The following RAD50 variants were observed in gnomAD, a reference collection of about 807,000 sequenced individuals.
The protein encoded by RAD50 is RAD50 double strand break repair protein.
RAD50 carries 132 observed loss-of-function variants against 168.8 expected under a neutral mutation model. The ratio of observed to expected loss-of-function variants is 0.78; its 90% confidence interval spans 0.68 to 0.90. The LOEUF is 0.90. RAD50 is among the 40% of genes least tolerant of loss of function. The pLI, the probability that RAD50 is intolerant of heterozygous loss-of-function variation, is 0.00. For missense variants in RAD50, 1,347 were observed against 1,534.4 expected, an observed-to-expected ratio of 0.88 and a Z score of 2.04; for synonymous variants, 525 against 497.4, an observed-to-expected ratio of 1.06 and a Z score of -0.74.
chr5:132,579,700 TA>T, intron 4 of RAD50, 161 bp from the exon 5 acceptor site: 1 of 839,418 alleles, frequency 1.2e-6, no homozygotes, highest in East Asian at 2.7e-5. Context: ...ATTGACAGTA[TA>T]AATGTAATTT....
intron 13 of RAD50, among the ~76,000 whole-genome samples, chr5:132,601,226 G>C (rs1293165028): frequency 6.6e-6 from 1 of 152,096 alleles, no homozygotes; most frequent in Admixed American, 6.6e-5. Flanking sequence ...TTGAACTCCT[G>C]ACCTCAGGTG....
In RAD50 at chr5:132,642,948, T is replaced by A. The variant is rs988808647; in HGVS notation, c.*584T>A. On this transcript the variant is annotated 3_prime_UTR_variant, in exon 25 of 25. Coordinates refer to ENST00000378823, the MANE Select transcript of RAD50 (RefSeq NM_005732.4). ...GGGGTCTCAAAGTTTGACAGGAACCTTAAGTAATCATCTAAGTCAGTACCC... is the reference window on the plus strand; with the variant it reads ...GGGGTCTCAAAGTTTGACAGGAACCATAAGTAATCATCTAAGTCAGTACCC... The A allele has an allele frequency of 2.0e-6, 1 of 488,368 alleles. No individual in the cohort carries two copies. Among genetic ancestry groups the A allele is most frequent in the Admixed American group, 2.4e-5 (1 of 40,836 alleles). 30.3% of individuals were successfully genotyped at this position (488,368 alleles called of 1,614,324 possible).
At chr5:132,636,421 G>A (rs1476651704) in intron 21 of RAD50, among the ~76,000 whole-genome samples, 6 of 152,140 alleles carry the variant, frequency 3.9e-5, no homozygotes, top group African/African-American at 1.4e-4. Flanking sequence ...TATAAATATG[G>A]AAGTTAATAT....
chr5:132,621,979 G>A (rs543287428), intron 21 of RAD50, among the ~76,000 whole-genome samples: 3 of 151,644 alleles, frequency 2.0e-5, no homozygotes, highest in East Asian at 3.9e-4. Context: ...CTTTTTATTA[G>A]ACATAACCTC....
intron 13 of RAD50, among the ~76,000 whole-genome samples, chr5:132,597,130 T>C (rs1212384843): frequency 6.6e-6 from 1 of 152,144 alleles, no homozygotes; most frequent in African/African-American, 2.4e-5. Flanking sequence ...ATTAATATAT[T>C]GACTGAAACA....
chr5:132,641,506 C>A (rs1751720242), intron 24 of RAD50, among the ~76,000 whole-genome samples: 1 of 152,176 alleles, frequency 6.6e-6, no homozygotes, highest in South Asian at 2.1e-4. Context: ...CAGCCATCAT[C>A]ACAAGTAAGG....
At chr5:132,583,912 G>A (rs1332395636) in intron 5 of RAD50, among the ~76,000 whole-genome samples, 1 of 151,898 alleles carries the variant, frequency 6.6e-6, no homozygotes. Flanking sequence ...GGTCAGGCTG[G>A]TCTCGAACTC....
chr5:132,587,346 A>C (rs772751925), intron 5 of RAD50, among the ~76,000 whole-genome samples: 3 of 152,172 alleles, frequency 2.0e-5, no homozygotes, highest in Non-Finnish European at 4.4e-5. Context: ...AGTGGAATTT[A>C]ATTCCTGCTT....
intron 2 of RAD50, among the ~76,000 whole-genome samples, chr5:132,566,431 G>T (rs899965685): frequency 2.0e-5 from 3 of 152,188 alleles, no homozygotes; most frequent in African/African-American, 7.2e-5. Flanking sequence ...TGAAATGACA[G>T]AGTCAAGTCT....
At chr5:132,559,203 A>G (rs1280188657) in intron 1 of RAD50, 81 bp from the exon 2 acceptor site, 1 of 1,298,718 alleles carries the variant, frequency 7.7e-7, no homozygotes, top group African/African-American at 1.5e-5. Flanking sequence ...GATAAATAAT[A>G]TTTTTGTAAT....
Position 132,646,092 on chromosome 5 carries a change from C to CAAAAAAAAATAAAA in RAD50, c.*3737_*3738insTAAAAAAAAAAAAA, listed in dbSNP as rs1751843299. ...CAGAGTGAGACCCTGTCTAAAAAGA[C>CAAAAAAAAATAAAA]AAAAAAAAAAAAAAAAAAAAAGCAG... On this transcript the variant is annotated 3_prime_UTR_variant, in exon 25 of 25. Coordinates refer to ENST00000378823, the MANE Select transcript of RAD50 (RefSeq NM_005732.4). 1.3e-5 allele frequency: 1 copy of CAAAAAAAAATAAAA among 77,170 alleles called. No individual in the cohort carries two copies. The highest frequency in any genetic ancestry group is 4.5e-5 in the African/African-American group (1 of 22,120). 4.8% of individuals were successfully genotyped at this position (77,170 alleles called of 1,614,324 possible).
rs1360388114 is a variant in RAD50 at position 132,640,144 on chromosome 5, T to C, written c.3619-528T>C. On this transcript the variant is annotated intron_variant, in intron 23 of 24. Transcript: ENST00000378823. ...AAGCTTAACTGAAACCACATTTCTA[T>C]ACTCCTGATACTTTGACCTAGGATT... Among the ~76,000 whole-genome samples, 4 of 152,326 alleles carry C rather than the reference T, an allele frequency of 2.6e-5. No homozygotes were observed. The East Asian group carries it at 7.7e-4, about 29-fold the overall frequency.
intron 10 of RAD50, 54 bp from the exon 11 acceptor site, chr5:132,591,823 A>G: frequency 7.6e-7 from 1 of 1,310,514 alleles, no homozygotes; most frequent in Non-Finnish European, 1.1e-6. Context: ...TTTGTTCTTG[A>G]TATAATGTGG....
intron 21 of RAD50, among the ~76,000 whole-genome samples, chr5:132,619,836 C>CTCTCTCTATA (rs1257882764): frequency 1.7e-5 from 2 of 114,410 alleles, no homozygotes; most frequent in African/African-American, 7.9e-5. Flanking sequence ...CTCTCTCTCT[C>CTCTCTCTATA]TATATATATA....
Position 132,642,403 on chromosome 5 carries a change from T to G in RAD50, c.*39T>G, listed in dbSNP as rs1291539995. 1 of 1,543,092 alleles carries G rather than the reference T, an allele frequency of 6.5e-7. No individual in the cohort carries two copies. The highest frequency in any genetic ancestry group is 8.9e-7 in the Non-Finnish European group (1 of 1,118,434). On this transcript the variant is annotated 3_prime_UTR_variant, in exon 25 of 25. Coordinates refer to ENST00000378823, the MANE Select transcript of RAD50 (RefSeq NM_005732.4). ...TTAAATGCCATAGAAATGTAGGTCCTCAGAAAGTGTATAATAAGAAACTTA... is the reference window on the plus strand; with the variant it reads ...TTAAATGCCATAGAAATGTAGGTCCGCAGAAAGTGTATAATAAGAAACTTA...
In RAD50 at chr5:132,557,235, G is replaced by C. The variant is rs1363644509; in HGVS notation, c.-90G>C. ...GGATCCTCCTGACCCTGAGATTCGC[G>C]GGTCTCACGTCCCGTGCACGCCTTG... is the stretch of plus-strand genomic sequence containing the variant. On this transcript the variant is annotated 5_prime_UTR_variant, in exon 1 of 25. Coordinates refer to ENST00000378823, the MANE Select transcript of RAD50 (RefSeq NM_005732.4). 2 of 1,532,898 alleles carry C rather than the reference G, an allele frequency of 1.3e-6. No individual in the cohort carries two copies. The highest frequency in any genetic ancestry group is 2.7e-5 in the African/African-American group (2 of 73,272). The allele number at this position is 1,532,898 out of a possible 1,614,324, so 95.0% of individuals were successfully genotyped here.
intron 21 of RAD50, among the ~76,000 whole-genome samples, chr5:132,635,503 G>A (rs917671599): frequency 5.9e-5 from 9 of 152,186 alleles, no homozygotes; most frequent in Non-Finnish European, 1.0e-4. Context: ...TTGGTGGGTT[G>A]AGACCTCTCC....
chr5:132,621,053 T>A (rs924597647), intron 21 of RAD50, among the ~76,000 whole-genome samples: 1 of 152,164 alleles, frequency 6.6e-6, no homozygotes, highest in Admixed American at 6.5e-5. Context: ...AAACCTGTGT[T>A]CAAGGATCGG....
Position 132,614,418 on chromosome 5 carries a change from AC to A in RAD50, c.3037-1583del, listed in dbSNP as rs1372501444. The stretch of plus-strand genomic sequence containing the variant: ...CATTTATAACCATGTCATTTTAGTC[AC>A]CTTTAACTGCCTATAATAATGCCTT... On this transcript the variant is annotated intron_variant, in intron 19 of 24. Coordinates refer to ENST00000378823, the MANE Select transcript of RAD50 (RefSeq NM_005732.4). 1.1e-4 allele frequency among the ~76,000 whole-genome samples: 16 copies of A among 152,052 alleles called. 1 individual carries two copies. Among genetic ancestry groups the A allele is most frequent in the African/African-American group, 2.9e-4 (12 of 41,488 alleles).
Sources: allele counts gnomAD v4.1 joint callset (sites outside exome capture counted in the v4.1 genomes callset), GRCh38; gene constraint gnomAD v4.1.1; transcripts MANE v1.5; gene names NCBI Gene and HGNC (gene_info 2026-07-23, HGNC 2026-07-21).